The following SNX6 variants were observed in gnomAD, a reference collection of about 807,000 sequenced individuals.
SNX6 encodes sorting nexin-6.
In SNX6, 34 loss-of-function variants were observed where a neutral mutation model predicts 63.0. The ratio of observed to expected loss-of-function variants is 0.54; its 90% confidence interval spans 0.41 to 0.72. SNX6 has a LOEUF of 0.72. SNX6 is among the 30% of genes least tolerant of loss of function. The pLI, the probability that SNX6 is intolerant of heterozygous loss-of-function variation, is 0.00. For synonymous variants in SNX6, 170 were observed against 164.2 expected, an observed-to-expected ratio of 1.04 and a Z score of -0.27; for missense variants, 398 against 471.4, an observed-to-expected ratio of 0.84 and a Z score of 1.44.
chr14:34,568,766 G>T, intron 11 of SNX6: 1 of 905,768 alleles, frequency 1.1e-6, no homozygotes. Flanking sequence ...GTCAGTTTGC[G>T]GCCCCCATCT....
intron 8 of SNX6, 65 bp downstream of exon 8, chr14:34,592,980 C>G (rs1882457187): frequency 3.4e-6 from 4 of 1,175,848 alleles, no homozygotes; most frequent in Non-Finnish European, 4.9e-6. Flanking sequence ...CTTTTTCAAA[C>G]TATAATATGA....
intron 11 of SNX6, chr14:34,568,942 C>T: frequency 1.5e-6 from 2 of 1,343,920 alleles, no homozygotes; most frequent in Non-Finnish European, 2.1e-6. Flanking sequence ...GTACAGGTGC[C>T]ACGCTGTGGA....
Position 34,630,090 on chromosome 14 carries a change from G to T in SNX6, c.6+21C>A, listed in dbSNP as rs549619147. 31 of 1,449,224 alleles carry T rather than the reference G, an allele frequency of 2.1e-5. 1 individual carries two copies. In the South Asian group the frequency reaches 3.6e-4, roughly 17 times the overall value. The allele number at this position is 1,449,224 out of a possible 1,614,324, so 89.8% of individuals were successfully genotyped here. On this transcript the variant is annotated intron_variant, in intron 1 of 13. Coordinates refer to ENST00000362031, the MANE Select transcript of SNX6 (RefSeq NM_152233.4). ...TGCCCCCACCGCGCTCCCGGGACTC[G>T]GCGCCGCGGAGAACACCCACCATCA... is the stretch of plus-strand genomic sequence containing the variant.
intron 11 of SNX6, among the ~76,000 whole-genome samples, chr14:34,571,013 G>A (rs1310748940): frequency 2.7e-5 from 4 of 150,776 alleles, no homozygotes; most frequent in South Asian, 2.1e-4. Flanking sequence ...GTCAGCCACC[G>A]CACCTGGCCC....
intron 8 of SNX6, among the ~76,000 whole-genome samples, chr14:34,588,352 G>C (rs187254442): frequency 6.6e-6 from 1 of 151,822 alleles, no homozygotes; most frequent in African/African-American, 2.4e-5. Flanking sequence ...TCGAACTCCT[G>C]ACTTAATGTG....
At chr14:34,622,864 T>C (rs1242430563) in intron 2 of SNX6, among the ~76,000 whole-genome samples, 1 of 152,212 alleles carries the variant, frequency 6.6e-6, no homozygotes, top group Non-Finnish European at 1.5e-5. Context: ...TCAGTTTTCC[T>C]TTCCCAAATA....
At chr14:34,607,560 AG>A (rs1250234479) in intron 4 of SNX6, among the ~76,000 whole-genome samples, 1 of 152,140 alleles carries the variant, frequency 6.6e-6, no homozygotes, top group Non-Finnish European at 1.5e-5. Flanking sequence ...CAGTGAACAA[AG>A]ATCAGGCCAT....
At chr14:34,579,193 T>A (rs934957859) in intron 10 of SNX6, among the ~76,000 whole-genome samples, 1 of 152,018 alleles carries the variant, frequency 6.6e-6, no homozygotes, top group Non-Finnish European at 1.5e-5. Context: ...CCCAACAGAA[T>A]TGTATACTTG....
At chr14:34,622,662 T>G (rs1405843243) in intron 2 of SNX6, among the ~76,000 whole-genome samples, 1 of 151,948 alleles carries the variant, frequency 6.6e-6, no homozygotes. Flanking sequence ...TGCATGTACC[T>G]TTGCAACCTC....
At chr14:34,628,775 C>T (rs1479167616) in intron 2 of SNX6, among the ~76,000 whole-genome samples, 1 of 152,072 alleles carries the variant, frequency 6.6e-6, no homozygotes, top group East Asian at 1.9e-4. Flanking sequence ...CACATTAAAA[C>T]GGATAAGAAA....
intron 2 of SNX6, among the ~76,000 whole-genome samples, 173 bp from the exon 3 acceptor site, chr14:34,609,915 C>A (rs1272519324): frequency 6.6e-6 from 1 of 152,132 alleles, no homozygotes. Context: ...CTGCTTTGGG[C>A]AACGCTATTA....
intron 11 of SNX6, among the ~76,000 whole-genome samples, chr14:34,571,293 C>T (rs540434037): frequency 1.8e-4 from 28 of 151,508 alleles, no homozygotes; most frequent in South Asian, 1.3e-3. Context: ...ATTAGCCGGG[C>T]GTGGTGGTGG....
intron 2 of SNX6, among the ~76,000 whole-genome samples, chr14:34,628,069 G>A (rs930742485): frequency 3.9e-5 from 6 of 152,138 alleles, no homozygotes; most frequent in African/African-American, 1.2e-4. Flanking sequence ...TTAAAAGCTC[G>A]GCTGGGCACA....
chr14:34,582,699 A>C (rs1311838980), intron 9 of SNX6, among the ~76,000 whole-genome samples: 1 of 151,906 alleles, frequency 6.6e-6, no homozygotes, highest in African/African-American at 2.4e-5. Context: ...GTGCTCACCA[A>C]GCCTGGCTAA....
rs544706422 is a variant in SNX6 at position 34,592,945 on chromosome 14, T to C, written c.718+100A>G. 5.4e-5 allele frequency: 45 copies of C among 829,236 alleles called. No individual in the cohort carries two copies. In the East Asian group the frequency reaches 1.2e-3, roughly 21 times the overall value. 51.4% of individuals were successfully genotyped at this position (829,236 alleles called of 1,614,324 possible). On this transcript the variant is annotated intron_variant, in intron 8 of 13. Coordinates refer to ENST00000362031, the MANE Select transcript of SNX6 (RefSeq NM_152233.4). ...GAGCCTAGGCTCCAACAGACCAGTT[T>C]GAGAACTACTGCTCTATATTAAGAC... is the stretch of plus-strand genomic sequence containing the variant.
chr14:34,596,996 A>G (rs906746888), intron 7 of SNX6, among the ~76,000 whole-genome samples: 2 of 152,174 alleles, frequency 1.3e-5, no homozygotes, highest in Admixed American at 6.6e-5. Flanking sequence ...CTAACTCCAA[A>G]GCTGAACCTA....
chr14:34,603,534 A>AT, intron 5 of SNX6, 63 bp from the exon 6 acceptor site: 5 of 1,390,670 alleles, frequency 3.6e-6, no homozygotes, highest in Middle Eastern at 1.8e-4. Flanking sequence ...ACCTGCAACA[A>AT]TTTTTTTCAG....
At chr14:34,583,644 C>G (rs904861988) in intron 9 of SNX6, among the ~76,000 whole-genome samples, 1 of 151,930 alleles carries the variant, frequency 6.6e-6, no homozygotes, top group Admixed American at 6.6e-5. Flanking sequence ...CAAAAAAGGG[C>G]ACAGGTTCAA....
At chr14:34,629,359 C>A in intron 2 of SNX6, 1 of 373,940 alleles carries the variant, frequency 2.7e-6, no homozygotes, top group South Asian at 1.9e-5. Flanking sequence ...AGTAAAGATA[C>A]CATGGGCTAC....
Sources: allele counts gnomAD v4.1 joint callset (sites outside exome capture counted in the v4.1 genomes callset), GRCh38; gene constraint gnomAD v4.1.1; transcripts MANE v1.5; gene names NCBI Gene and HGNC (gene_info 2026-07-23, HGNC 2026-07-21).